POLA1: variants seen among roughly 807,000 people sequenced by gnomAD.
POLA1 encodes DNA polymerase alpha 1, catalytic subunit.
In POLA1, 15 loss-of-function variants were observed where a neutral mutation model predicts 124.0. That is an observed-to-expected ratio of 0.12 (90% CI 0.08 to 0.19). The LOEUF is 0.19. Ranked by LOEUF, POLA1 falls within the 10% of genes least tolerant of loss-of-function variation. POLA1 has a pLI of 1.00. For synonymous variants in POLA1, 408 were observed against 389.4 expected (o/e 1.05, Z -0.56); for missense variants, 886 against 1,103.4 (o/e 0.80, Z 2.79).
chrX:24,768,297 A>T (rs1932956905), intron 26 of POLA1, among the ~76,000 whole-genome samples: 1 of 112,252 alleles, frequency 8.9e-6, no homozygotes, highest in African/African-American at 3.2e-5. Context: ...TGGCCTTTGG[A>T]ACAGAATTCT....
chrX:24,842,925 A>G (rs1283685508), intron 33 of POLA1, among the ~76,000 whole-genome samples: 1 of 111,867 alleles, frequency 8.9e-6, no homozygotes, highest in African/African-American at 3.2e-5. Flanking sequence ...AAACACAACA[A>G]AACAAAATGT....
At chrX:24,941,224 A>AT (rs1324355016) in intron 36 of POLA1, among the ~76,000 whole-genome samples, 13 of 108,950 alleles carry the variant, frequency 1.2e-4, no homozygotes, top group African/African-American at 2.0e-4. Flanking sequence ...TTTTATTTTT[A>AT]TTTTTTTTTA....
chrX:24,815,659 A>G (rs1035275319), intron 30 of POLA1, among the ~76,000 whole-genome samples: 1 of 112,176 alleles, frequency 8.9e-6, no homozygotes, highest in African/African-American at 3.2e-5. Context: ...TGTGTAATAA[A>G]CAAAATGTTA....
chrX:24,792,889 G>C lies in POLA1; in HGVS notation c.2965-17009G>C, dbSNP rs111690184. On this transcript the variant is annotated intron_variant, in intron 26 of 36. Coordinates refer to ENST00000379068, the MANE Select transcript of POLA1 (RefSeq NM_001330360.2). ...TTTTCATTCTCTTTGGGATAAAGTT[G>C]GGCTGACGGAAATTCAACTTTGAGC... 7.1e-3 allele frequency among the ~76,000 whole-genome samples: 797 copies of C among 111,563 alleles called. 5 individuals carry two copies. Among genetic ancestry groups the C allele is most frequent in the African/African-American group, 0.024 (747 of 30,705 alleles).
At chrX:24,717,046 A>G (rs1929888785) in intron 8 of POLA1, 75 bp downstream of exon 8, 1 of 654,079 alleles carries the variant, frequency 1.5e-6, no homozygotes. Flanking sequence ...ATGATGGAGG[A>G]GGTAGAGGAG....
chrX:24,863,049 A>T (rs894945968), intron 34 of POLA1, among the ~76,000 whole-genome samples: 1 of 112,306 alleles, frequency 8.9e-6, no homozygotes, highest in African/African-American at 3.2e-5. Context: ...GCTGGTCTAA[A>T]AAAACAAAAA....
In POLA1 at chrX:24,952,012, G is replaced by A. The variant is rs150268890; in HGVS notation, c.4261+21463G>A. ...CCACTCGCATGCAAAACTCATGCACGAGTTAGGGGGTATCATTTATTAGGT... is the reference window on the plus strand; with the variant it reads ...CCACTCGCATGCAAAACTCATGCACAAGTTAGGGGGTATCATTTATTAGGT... On this transcript the variant is annotated intron_variant, in intron 36 of 36. Transcript: ENST00000379068. 2.5e-4 allele frequency among the ~76,000 whole-genome samples: 28 copies of A among 111,870 alleles called. 1 individual carries two copies. Among genetic ancestry groups the A allele is most frequent in the East Asian group, 2.0e-3 (7 of 3,575 alleles).
chrX:24,766,577 AG>A (rs1210876329), intron 26 of POLA1, among the ~76,000 whole-genome samples: 2 of 111,832 alleles, frequency 1.8e-5, no homozygotes, highest in African/African-American at 3.3e-5. Flanking sequence ...GAAGGAGCTG[AG>A]GAAAAAAAGC....
At chrX:24,768,641 C>T (rs111947816) in intron 26 of POLA1, among the ~76,000 whole-genome samples, 6,637 of 111,830 alleles carry the variant, frequency 0.059, 349 homozygotes, top group African/African-American at 0.17. Flanking sequence ...CCAATCACAT[C>T]GCAAAGCAAA....
intron 2 of POLA1, among the ~76,000 whole-genome samples, chrX:24,701,974 G>C (rs1179706696): frequency 9.5e-6 from 1 of 105,658 alleles, no homozygotes; most frequent in Non-Finnish European, 1.9e-5. Context: ...GGCTGGTCTT[G>C]AACTCCTCAC....
intron 26 of POLA1, among the ~76,000 whole-genome samples, chrX:24,767,014 T>TA (rs955271789): frequency 1.8e-5 from 2 of 111,951 alleles, no homozygotes; most frequent in African/African-American, 6.5e-5. Flanking sequence ...CTTACCATCA[T>TA]AGACTTCAGA....
chrX:24,956,672 C>T (rs1297002512), intron 36 of POLA1, among the ~76,000 whole-genome samples: 1 of 111,877 alleles, frequency 8.9e-6, no homozygotes, highest in Admixed American at 9.5e-5. Context: ...AGCCAGCTCT[C>T]TCCATATTTA....
chrX:24,991,159 C>T (rs1303976006), intron 36 of POLA1, among the ~76,000 whole-genome samples: 2 of 109,423 alleles, frequency 1.8e-5, no homozygotes, highest in Admixed American at 9.7e-5. Context: ...TGATCCTGCA[C>T]AATGTGTTTC....
chrX:24,927,990 ATTC>A (rs1354970119), intron 35 of POLA1, among the ~76,000 whole-genome samples: 1 of 111,871 alleles, frequency 8.9e-6, no homozygotes, highest in African/African-American at 3.2e-5. Context: ...AGTAGGTGTT[ATTC>A]TTGTTCATTT....
At chrX:24,766,262 T>G (rs1408025066) in intron 26 of POLA1, among the ~76,000 whole-genome samples, 1 of 112,377 alleles carries the variant, frequency 8.9e-6, no homozygotes, top group Non-Finnish European at 1.9e-5. Context: ...TTGTAATCAC[T>G]GACTTATGTG....
At chrX:24,964,004 C>T (rs1220412639) in intron 36 of POLA1, among the ~76,000 whole-genome samples, 1 of 111,638 alleles carries the variant, frequency 9.0e-6, no homozygotes, top group Non-Finnish European at 1.9e-5. Flanking sequence ...CAAGTTTGTT[C>T]TGCATTATGA....
chrX:24,801,540 T>G lies in POLA1; in HGVS notation c.2965-8358T>G, dbSNP rs147333969. ...GTGGTGTGTTGTGGTATGCACAGAG[T>G]ACTTTGGGGGATACATAGGACTAGG... On this transcript the variant is annotated intron_variant, in intron 26 of 36. Transcript: ENST00000379068. Among the ~76,000 whole-genome samples the G allele has an allele frequency of 6.7e-3, 742 of 111,417 alleles. 2 individuals carry two copies. Among genetic ancestry groups the G allele is most frequent in the African/African-American group, 0.022 (686 of 30,620 alleles).
At chrX:24,785,276 A>G (rs2045340392) in intron 26 of POLA1, among the ~76,000 whole-genome samples, 1 of 112,147 alleles carries the variant, frequency 8.9e-6, no homozygotes, top group African/African-American at 3.2e-5. Flanking sequence ...GTATCCTATA[A>G]TATATTCAGT....
intron 34 of POLA1, among the ~76,000 whole-genome samples, chrX:24,851,231 G>A (rs557868650): frequency 1.8e-5 from 2 of 112,433 alleles, no homozygotes; most frequent in African/African-American, 6.5e-5. Context: ...GCAGCACCCA[G>A]TATTGTGCCT....
Sources: gnomAD v4.1 joint callset for allele counts (sites outside exome capture counted in the v4.1 genomes callset) on GRCh38, gnomAD v4.1.1 for gene constraint, MANE v1.5 for transcripts, NCBI Gene and HGNC (gene_info 2026-07-23, HGNC 2026-07-21) for gene names.